ZMYM6: variants seen among roughly 807,000 people sequenced by gnomAD.
The protein encoded by ZMYM6 is zinc finger MYM-type containing 6, also known as zinc finger MYM-type protein 6.
A neutral mutation model predicts 134.0 loss-of-function variants in ZMYM6; 90 were observed. The observed-to-expected ratio is 0.67, with a 90% confidence interval of 0.57 to 0.80. The LOEUF is 0.80. ZMYM6 is among the 30% of genes least tolerant of loss of function. The pLI, the probability that ZMYM6 is intolerant of heterozygous loss-of-function variation, is 0.00. For synonymous variants in ZMYM6, 481 were observed against 524.1 expected (o/e 0.92, Z 1.12); for missense variants, 1,362 against 1,533.9 (o/e 0.89, Z 1.87).
chr1:35,009,017 A>G, intron 10 of ZMYM6, 93 bp from the exon 11 acceptor site: 1 of 1,337,830 alleles, frequency 7.5e-7, no homozygotes, highest in Admixed American at 2.7e-5. Flanking sequence ...TGAAACTTTA[A>G]GCTAATTTCT....
At chr1:34,994,964 T>C (rs1225320521) in intron 14 of ZMYM6, among the ~76,000 whole-genome samples, 2 of 147,166 alleles carry the variant, frequency 1.4e-5, no homozygotes, top group South Asian at 2.1e-4. Flanking sequence ...CCATAATATA[T>C]CATAATATGG....
chr1:34,986,456 A>T lies in ZMYM6; in HGVS notation c.*648T>A, dbSNP rs1249444248. On this transcript the variant is annotated 3_prime_UTR_variant, in exon 16 of 16. Coordinates refer to ENST00000357182, the MANE Select transcript of ZMYM6 (RefSeq NM_007167.4). ...CTGGGCACGTTGGCTCACACTTGTA[A>T]TCCCAGCACTTTGGGAGGCCGAGGC... 1 of 152,364 alleles carries T rather than the reference A, an allele frequency of 6.6e-6. No homozygotes were observed. The highest frequency in any genetic ancestry group is 1.5e-5 in the Non-Finnish European group (1 of 68,194). The allele number at this position is 152,364 out of a possible 1,614,324, so 9.4% of individuals were successfully genotyped here. A position where few individuals can be genotyped will look rare whatever the true frequency, so the allele number is the denominator to read the frequency against.
Position 35,005,403 on chromosome 1 carries a change from T to A in ZMYM6, c.1814-131A>T, listed in dbSNP as rs567060052. The A allele has an allele frequency of 2.4e-5, 24 of 981,580 alleles. No individual in the cohort carries two copies. The South Asian group carries it at 3.4e-4, about 14-fold the overall frequency. 60.8% of individuals were successfully genotyped at this position (981,580 alleles called of 1,614,324 possible). A position where few individuals can be genotyped will look rare whatever the true frequency, so the allele number is the denominator to read the frequency against. On this transcript the variant is annotated intron_variant, in intron 12 of 15. Transcript: ENST00000357182. The stretch of plus-strand genomic sequence containing the variant: ...AGCAATATAAATATCTGATTCTGTA[T>A]CATGTTAGGTTGGGTGACTCTGGTC...
In ZMYM6 at chr1:35,030,563, T is replaced by A; in HGVS notation, c.77A>T (p.Glu26Val). The A allele has an allele frequency of 2.5e-6, 4 of 1,612,794 alleles. No homozygotes were observed. The highest frequency in any genetic ancestry group is 3.4e-6 in the Non-Finnish European group (4 of 1,179,878). Reference sequence around the variant, plus strand: ...AATGCTTACTTGAGCATTGTCTGGTTCTTCTTTAATTTTGTCCAGAAGCTC... The same window carrying A: ...AATGCTTACTTGAGCATTGTCTGGTACTTCTTTAATTTTGTCCAGAAGCTC... The part of the protein sequence containing the change: ...QQELLDKIKE[E>V]PDNAQEYGCV... The change falls in exon 2 of 16, where the codon GAA (glutamate) becomes GTA (valine). Residue 26 changes from glutamate to valine, a missense_variant. Transcript: ENST00000357182.
intron 6 of ZMYM6, 32 bp from the exon 7 acceptor site, chr1:35,012,613 T>C (rs1490081783): frequency 1.2e-6 from 2 of 1,606,438 alleles, no homozygotes; most frequent in South Asian, 2.2e-5. Context: ...AGATACCTAG[T>C]ACAAACATAC....
intron 12 of ZMYM6, 136 bp downstream of exon 12, chr1:35,006,815 C>CT: frequency 1.1e-6 from 1 of 937,084 alleles, no homozygotes; most frequent in Non-Finnish European, 1.4e-6. Flanking sequence ...TTAAAGACTT[C>CT]TTAAAGAAAA....
chr1:35,003,121 G>C (rs557172642), intron 14 of ZMYM6, among the ~76,000 whole-genome samples: 91 of 147,548 alleles, frequency 6.2e-4, no homozygotes, highest in African/African-American at 2.2e-3. Context: ...TTTCGAGGTT[G>C]AGTGAGCTAT....
In ZMYM6 at chr1:34,987,678, G is replaced by A; in HGVS notation, c.3404C>T (p.Thr1135Ile). ...ELNLSLQGTL[T>I]TFFNLCNKID... ...TTTATTACACAAATTGAAGAAAGTA[G>A]TCAAAGTTCCTTGGAGACTTAAATT... The change falls in exon 16 of 16, where the codon ACT becomes ATT. Residue 1135 changes from threonine (T) to isoleucine (I), a missense_variant. Transcript: ENST00000357182. 1 of 1,552,576 alleles carries A rather than the reference G, an allele frequency of 6.4e-7. No individual in the cohort carries two copies. Among genetic ancestry groups the A allele is most frequent in the Non-Finnish European group, 8.7e-7 (1 of 1,147,756 alleles).
chr1:34,990,513 T>C (rs1242576781), intron 15 of ZMYM6, among the ~76,000 whole-genome samples: 1 of 151,968 alleles, frequency 6.6e-6, no homozygotes, highest in Non-Finnish European at 1.5e-5. Flanking sequence ...AAAAAGATGA[T>C]AGTCTTTGAA....
At chr1:34,992,079 A>G (rs1163671403) in intron 15 of ZMYM6, 155 bp downstream of exon 15, 1 of 929,656 alleles carries the variant, frequency 1.1e-6, no homozygotes, top group Admixed American at 2.1e-5. Flanking sequence ...ATAATTATGA[A>G]AGCAATAAAT....
chr1:35,007,454 G>A (rs538106648), intron 11 of ZMYM6, among the ~76,000 whole-genome samples: 1 of 152,188 alleles, frequency 6.6e-6, no homozygotes, highest in African/African-American at 2.4e-5. Flanking sequence ...CAGGTGTGGT[G>A]GCGCACGCCT....
At chr1:35,012,379 G>C in intron 7 of ZMYM6, 52 bp downstream of exon 7, 1 of 1,368,860 alleles carries the variant, frequency 7.3e-7, no homozygotes, top group Non-Finnish European at 9.6e-7. Context: ...AAGCAGTTAC[G>C]TTTTTCTTCA....
intron 2 of ZMYM6, among the ~76,000 whole-genome samples, chr1:35,029,440 T>C (rs1242964685): frequency 6.6e-6 from 1 of 152,066 alleles, no homozygotes; most frequent in African/African-American, 2.4e-5. Flanking sequence ...ATGGGGATAA[T>C]AATATGGTGG....
intron 12 of ZMYM6, among the ~76,000 whole-genome samples, chr1:35,006,320 T>A (rs1237353368): frequency 6.6e-6 from 1 of 152,240 alleles, no homozygotes; most frequent in East Asian, 1.9e-4. Context: ...CAAATGTTTT[T>A]AATCTAATAC....
In ZMYM6 at chr1:34,988,691, T is replaced by C. The variant is rs780310112; in HGVS notation, c.2391A>G (p.Glu797=). ...GTTCAAAAAAATCTACTGGTTTGTT[T>C]TCTAATTCTGAATGTTTTGTCTTCA... The part of the protein sequence containing the change: ...HHLKTKHSEL[E]NKPVDFFEQK... Residue 797 remains glutamate (E), a synonymous_variant, in exon 16 of 16, where the codon GAA becomes GAG. Transcript: ENST00000357182. 3.9e-6 allele frequency: 6 copies of C among 1,550,518 alleles called. No homozygotes were observed. Among genetic ancestry groups the C allele is most frequent in the Non-Finnish European group, 5.2e-6 (6 of 1,146,736 alleles).
intron 2 of ZMYM6, among the ~76,000 whole-genome samples, chr1:35,021,118 A>ATT (rs375899509): frequency 4.2e-4 from 59 of 139,314 alleles, no homozygotes; most frequent in African/African-American, 1.4e-3. Flanking sequence ...GAAAAAAAAA[A>ATT]TTTTTTTTTT....
At chr1:35,005,030 C>T (rs1640941740) in intron 13 of ZMYM6, 102 bp downstream of exon 13, 20 of 1,407,918 alleles carry the variant, frequency 1.4e-5, no homozygotes, top group Admixed American at 2.0e-5. Context: ...TGCACTCCAG[C>T]CTGGGCAACA....
At chr1:35,003,920 A>G (rs1441711337) in intron 14 of ZMYM6, 48 bp downstream of exon 14, 2 of 1,548,254 alleles carry the variant, frequency 1.3e-6, no homozygotes, top group East Asian at 2.2e-5. Context: ...CAAAGTGAAA[A>G]TAAGCCCAAG....
At position 35,016,010 on chromosome 1, in the gene ZMYM6, C is replaced by T. The variant is rs533784186; in HGVS notation, c.429-848G>A. On this transcript the variant is annotated intron_variant, in intron 4 of 15. Transcript: ENST00000357182. ...CTGCCCAGGCTGGAGTGCAGTGTCA[C>T]GATCTCGGCTCACTGCAATCTCCAC... 3.8e-3 allele frequency among the ~76,000 whole-genome samples: 561 copies of T among 148,336 alleles called. 2 individuals are homozygous for T. The highest frequency in any genetic ancestry group is 6.5e-3 in the Non-Finnish European group (434 of 67,244).
Sources: allele counts gnomAD v4.1 joint callset (sites outside exome capture counted in the v4.1 genomes callset), GRCh38; gene constraint gnomAD v4.1.1; transcripts MANE v1.5; gene names NCBI Gene and HGNC (gene_info 2026-07-23, HGNC 2026-07-21).